Variants in UNC13C observed in about 807,000 individuals in gnomAD.
UNC13C encodes the protein protein unc-13 homolog C.
UNC13C carries 174 observed loss-of-function variants against 245.4 expected under a neutral mutation model. The observed-to-expected ratio is 0.71, with a 90% CI of 0.63 to 0.80. UNC13C has a LOEUF of 0.80. Ranked by LOEUF, UNC13C falls within the 30% of genes least tolerant of loss-of-function variation. The pLI, the probability that UNC13C is intolerant of heterozygous loss-of-function variation, is 0.00. For synonymous variants in UNC13C, 992 were observed against 895.1 expected (o/e 1.11, Z -1.93); for missense variants, 2,829 against 2,602.9 (o/e 1.09, Z -1.89).
At chr15:53,963,495 C>T in the UNC13C span, among the ~76,000 whole-genome samples, 1 of 152,126 alleles carries the variant, frequency 6.6e-6, no homozygotes, top group Non-Finnish European at 1.5e-5. Context: ...GTACCTGCCT[C>T]ATTGTGTTGT....
chr15:54,210,390 A>T (rs2034844233), intron 4 of UNC13C, among the ~76,000 whole-genome samples: 1 of 151,788 alleles, frequency 6.6e-6, no homozygotes, highest in Non-Finnish European at 1.5e-5. Context: ...ATAAATGAGG[A>T]TTGTGTGGCA....
At chr15:54,084,254 A>T (rs1289726805) in intron 2 of UNC13C, among the ~76,000 whole-genome samples, 1 of 151,910 alleles carries the variant, frequency 6.6e-6, no homozygotes, top group African/African-American at 2.4e-5. Context: ...TCAGTTCTGT[A>T]CTCTTTCTAC....
At chr15:53,884,844 TCTC>T in the UNC13C span, among the ~76,000 whole-genome samples, 3 of 152,122 alleles carry the variant, frequency 2.0e-5, no homozygotes, top group Non-Finnish European at 2.9e-5. Flanking sequence ...TGCTGCTACT[TCTC>T]CTCCTACCAA....
At chr15:54,590,724 C>G (rs1004837569) in intron 30 of UNC13C, among the ~76,000 whole-genome samples, 2 of 152,138 alleles carry the variant, frequency 1.3e-5, no homozygotes, top group African/African-American at 2.4e-5. Flanking sequence ...GGTAGACGAT[C>G]ATATCATCAG....
chr15:54,583,956 T>C (rs139446759), intron 30 of UNC13C, among the ~76,000 whole-genome samples: 2 of 152,170 alleles, frequency 1.3e-5, no homozygotes, highest in Non-Finnish European at 2.9e-5. Context: ...CTCCAGGCCC[T>C]AACTGTGCTC....
At chr15:54,372,839 TAATAG>T (rs767985354) in intron 17 of UNC13C, among the ~76,000 whole-genome samples, 5 of 152,214 alleles carry the variant, frequency 3.3e-5, no homozygotes, top group Non-Finnish European at 7.3e-5. Context: ...CTGCATTGCC[TAATAG>T]AGTAGCTGTA....
intron 4 of UNC13C, among the ~76,000 whole-genome samples, chr15:54,153,203 C>G (rs2032600923): frequency 6.6e-6 from 1 of 151,976 alleles, no homozygotes; most frequent in Non-Finnish European, 1.5e-5. Flanking sequence ...CTAAGACTAG[C>G]AGATTAAGAG....
chr15:54,014,713 C>G lies in UNC13C; in HGVS notation c.1810C>G (p.Gln604Glu). ...GACCCTGTATGACAGTCCCAAGGAC[C>G]AGCATTTGAATGGAGGTGTTCAGGG... ...TATLYDSPKD[Q>E]HLNGGVQGIQ... Residue 604 changes from glutamine (Q) to glutamate (E), a missense_variant, in exon 2 of 33, where the codon CAG (glutamine) becomes GAG (glutamate). By Grantham distance (29) the Gln-to-Glu change is conservative (BLOSUM62 2). Transcript: ENST00000260323. 1.9e-6 allele frequency: 3 copies of G among 1,613,776 alleles called. No individual in the cohort carries two copies. The highest frequency in any genetic ancestry group is 2.2e-5 in the South Asian group (2 of 91,076).
chr15:54,545,456 A>T (rs984201889), intron 26 of UNC13C, among the ~76,000 whole-genome samples: 4 of 152,204 alleles, frequency 2.6e-5, no homozygotes, highest in African/African-American at 9.7e-5. Context: ...ATGGGATCTA[A>T]TTAAACTAAA....
the UNC13C span, among the ~76,000 whole-genome samples, chr15:53,901,157 AG>A: frequency 1.3e-5 from 2 of 151,784 alleles, no homozygotes; most frequent in Non-Finnish European, 2.9e-5. Flanking sequence ...TTTTATAAAA[AG>A]AATTTCTCCA....
intron 2 of UNC13C, chr15:54,049,202 T>G (rs556485675): frequency 3.4e-4 from 160 of 474,644 alleles, no homozygotes; most frequent in South Asian, 2.7e-3. Flanking sequence ...AGATTATTTT[T>G]TCATCAGCTT....
intron 17 of UNC13C, among the ~76,000 whole-genome samples, chr15:54,348,372 C>G (rs2038907031): frequency 1.3e-5 from 2 of 152,068 alleles, no homozygotes; most frequent in South Asian, 4.1e-4. Flanking sequence ...ATTAAAATAC[C>G]TTTTGTCTGA....
intron 10 of UNC13C, among the ~76,000 whole-genome samples, chr15:54,291,646 A>G (rs1383496036): frequency 6.6e-6 from 1 of 151,984 alleles, no homozygotes; most frequent in Non-Finnish European, 1.5e-5. Flanking sequence ...ACCATTTCCC[A>G]CAAGAATTTT....
At chr15:54,261,508 A>T (rs746931732) in intron 8 of UNC13C, among the ~76,000 whole-genome samples, 7 of 148,850 alleles carry the variant, frequency 4.7e-5, no homozygotes, top group Non-Finnish European at 3.0e-5. Flanking sequence ...ATGCAAAAGT[A>T]GAAATTTTTG....
rs138969206 is a variant in UNC13C, at chr15:54,357,350, T to C, written c.4713+18861T>C. Among the ~76,000 whole-genome samples the C allele has an allele frequency of 4.6e-3, 697 of 152,174 alleles. 2 individuals carry two copies. Among genetic ancestry groups the C allele is most frequent in the African/African-American group, 0.016 (663 of 41,570 alleles). On this transcript the variant is annotated intron_variant, in intron 17 of 32. Coordinates refer to ENST00000260323, the MANE Select transcript of UNC13C (RefSeq NM_001080534.3). ...TTTTTGCTTTGCATTCTCTCCATCC[T>C]AAAAAACAACCTGGAATATTTTTAA...
chr15:53,979,742 G>A (rs1331825177), intron 1 of UNC13C, among the ~76,000 whole-genome samples: 1 of 152,072 alleles, frequency 6.6e-6, no homozygotes, highest in African/African-American at 2.4e-5. Flanking sequence ...GTTTGAGGGT[G>A]GGTAATGCTT....
chr15:54,491,218 C>G (rs1012362754), intron 19 of UNC13C, among the ~76,000 whole-genome samples: 1 of 152,138 alleles, frequency 6.6e-6, no homozygotes, highest in Non-Finnish European at 1.5e-5. Flanking sequence ...AGAAATAACA[C>G]ATTAATTCAG....
At chr15:54,236,560 G>A in intron 6 of UNC13C, 125 bp downstream of exon 6, 1 of 743,814 alleles carries the variant, frequency 1.3e-6, no homozygotes, top group Non-Finnish European at 2.1e-6. Context: ...AGAATAAGAA[G>A]TTTGTTCTGC....
intron 2 of UNC13C, among the ~76,000 whole-genome samples, chr15:54,089,718 C>A (rs1463663261): frequency 6.8e-6 from 1 of 147,354 alleles, no homozygotes; most frequent in Non-Finnish European, 1.5e-5. Context: ...GTTTGATGCA[C>A]TTCACCTTTG....
Sources: gnomAD v4.1 joint callset for allele counts (sites outside exome capture counted in the v4.1 genomes callset) on GRCh38, gnomAD v4.1.1 for gene constraint, MANE v1.5 for transcripts, NCBI Gene and HGNC (gene_info 2026-07-23, HGNC 2026-07-21) for gene names.